Variants in TET2 observed in about 807,000 individuals in gnomAD.
The protein encoded by TET2 is tet methylcytosine dioxygenase 2.
In TET2, 299 loss-of-function variants were observed where a neutral mutation model predicts 142.9. That is an observed-to-expected ratio of 2.09 (90% CI 1.90 to 2.30). The LOEUF (loss-of-function observed/expected upper bound fraction) is 2.30, where lower values mean the gene tolerates loss of function less well. Among genes scored for constraint, TET2 ranks in the 30% most tolerant of loss-of-function variants. The pLI is 0.00. For missense variants in TET2, 2,418 were observed against 2,378.0 expected (o/e 1.02, Z -0.35); for synonymous variants, 819 against 849.0 (o/e 0.96, Z 0.61).
chr4:105,272,969 A>G, intron 10 of TET2, 51 bp downstream of exon 10: 1 of 1,415,716 alleles, frequency 7.1e-7, no homozygotes, highest in African/African-American at 1.4e-5. Flanking sequence ...TGGTATATTA[A>G]AAATGAAAAT....
intron 6 of TET2, among the ~76,000 whole-genome samples, chr4:105,256,721 T>G (rs1272575641): frequency 1.3e-5 from 2 of 152,146 alleles, no homozygotes; most frequent in Non-Finnish European, 2.9e-5. Flanking sequence ...GGGACCTGCA[T>G]TATGTCTATG....
intron 5 of TET2, 134 bp downstream of exon 5, chr4:105,243,061 T>C: frequency 1.4e-6 from 1 of 730,226 alleles, no homozygotes. Flanking sequence ...TTTTTTATCA[T>C]GTGTTATCTC....
rs1490375945 is a variant in TET2 at position 105,275,776 on chromosome 4, C to T, written c.5266C>T (p.His1756Tyr). 1.3e-6 allele frequency: 2 copies of T among 1,551,578 alleles called. No homozygotes were observed. The highest frequency in any genetic ancestry group is 1.7e-6 in the Non-Finnish European group (2 of 1,147,002). Residue 1756 changes from histidine (H) to tyrosine (Y), a missense_variant, in exon 11 of 11, where the codon CAT (histidine) becomes TAT (tyrosine). Coordinates refer to ENST00000380013, the MANE Select transcript of TET2 (RefSeq NM_001127208.3). ...NPNMDYKNGE[H>Y]HSPSHIIHNY... ...AAACATGGACTATAAAAATGGTGAA[C>T]ATCATTCACCTTCTCACATAATCCA...
chr4:105,275,006 A>G, intron 10 of TET2, 42 bp from the exon 11 acceptor site: 1 of 1,464,042 alleles, frequency 6.8e-7, no homozygotes, highest in Non-Finnish European at 9.0e-7. Flanking sequence ...AATCATCAAC[A>G]TCAAAGATAC....
At chr4:105,166,910 A>G (rs1484931571) in intron 1 of TET2, among the ~76,000 whole-genome samples, 1 of 152,066 alleles carries the variant, frequency 6.6e-6, no homozygotes, top group Non-Finnish European at 1.5e-5. Flanking sequence ...TCCTCCAGAT[A>G]TGGCTCTGTT....
At chr4:105,229,406 G>C (rs1381564351) in intron 2 of TET2, among the ~76,000 whole-genome samples, 2 of 152,192 alleles carry the variant, frequency 1.3e-5, no homozygotes, top group African/African-American at 4.8e-5. Flanking sequence ...CGCCTCCTGG[G>C]TTCAAATGAT....
chr4:105,214,359 T>G (rs1727354912), intron 2 of TET2, among the ~76,000 whole-genome samples: 1 of 137,016 alleles, frequency 7.3e-6, no homozygotes, highest in African/African-American at 2.8e-5. Context: ...CAGGCTGGAG[T>G]GCAGTGGTGT....
chr4:105,185,419 A>G (rs1725369798), intron 1 of TET2, among the ~76,000 whole-genome samples: 1 of 152,182 alleles, frequency 6.6e-6, no homozygotes. Flanking sequence ...AATTTTAGCT[A>G]TTTTTATTGT....
In TET2 at chr4:105,234,641, T is replaced by G. The variant is rs1728723224; in HGVS notation, c.699T>G (p.Tyr233Ter). The G allele has an allele frequency of 6.2e-7, 1 of 1,614,026 alleles. No individual in the cohort carries two copies. Among genetic ancestry groups the G allele is most frequent in the Non-Finnish European group, 8.5e-7 (1 of 1,180,024 alleles). ...GELLEKTLSQ[Y>*]YPDCVSIAVQ... ...TCCTGGAAAAAACACTGTCTCAATA[T>G]TATCCAGATTGTGTTTCCATTGCGG... The change falls in exon 3 of 11, where the codon TAT becomes TAG. Residue 233 changes from tyrosine to a stop codon, truncating the protein, a stop_gained. Coordinates refer to ENST00000380013, the MANE Select transcript of TET2 (RefSeq NM_001127208.3). LOFTEE classifies it high-confidence loss of function.
At position 105,234,573 on chromosome 4, in the gene TET2, G is replaced by C. The variant is rs1659218266; in HGVS notation, c.631G>C (p.Ala211Pro). The C allele has an allele frequency of 6.2e-7, 1 of 1,614,132 alleles. No individual in the cohort carries two copies. Among genetic ancestry groups the C allele is most frequent in the Non-Finnish European group, 8.5e-7 (1 of 1,180,018 alleles). ...CAAGGCAGTGCTAATGCCTAATGGT[G>C]CTACAGTTTCTGCCTCTTCCGTGGA... ...KNKAVLMPNG[A>P]TVSASSVEHT... Residue 211 changes from alanine (A) to proline (P), a missense_variant, in exon 3 of 11, where the codon GCT (alanine) becomes CCT (proline). By Grantham distance (27) the Ala-to-Pro change is conservative. Coordinates refer to ENST00000380013, the MANE Select transcript of TET2 (RefSeq NM_001127208.3).
chr4:105,164,145 A>G (rs757918532), intron 1 of TET2, among the ~76,000 whole-genome samples: 5 of 152,158 alleles, frequency 3.3e-5, no homozygotes, highest in African/African-American at 4.8e-5. Context: ...TGTATTAAAT[A>G]TTCATCTGGC....
At chr4:105,232,440 C>G (rs148910289) in intron 2 of TET2, among the ~76,000 whole-genome samples, 1 of 152,324 alleles carries the variant, frequency 6.6e-6, no homozygotes, top group East Asian at 1.9e-4. Flanking sequence ...TACCGCACTG[C>G]TTTCCACAAC....
In TET2 at chr4:105,237,638, A is replaced by G. The variant is rs189481681; in HGVS notation, c.3409+287A>G. 629 of 1,416,178 alleles carry G rather than the reference A, an allele frequency of 4.4e-4. No individual in the cohort carries two copies. Among genetic ancestry groups the G allele is most frequent in the South Asian group, 4.9e-4 (32 of 65,058 alleles). The allele number at this position is 1,416,178 out of a possible 1,614,324, so 87.7% of individuals were successfully genotyped here. A position where few individuals can be genotyped will look rare whatever the true frequency, so the allele number is the denominator to read the frequency against. On this transcript the variant is annotated intron_variant, in intron 3 of 10. Transcript: ENST00000380013. ...ATTTGAATGTATCTGTTTTAGATCAATTCGCCTATTTAGCTCTTTGTATAT... is the reference window on the plus strand; with the variant it reads ...ATTTGAATGTATCTGTTTTAGATCAGTTCGCCTATTTAGCTCTTTGTATAT...
At chr4:105,242,013 T>G in intron 4 of TET2, 1 of 1,241,882 alleles carries the variant, frequency 8.1e-7, no homozygotes, top group Non-Finnish European at 1.0e-6. Flanking sequence ...AAGACTCTTA[T>G]GAGCGAGATA....
At chr4:105,272,412 A>G (rs1167111397) in intron 9 of TET2, among the ~76,000 whole-genome samples, 152 bp from the exon 10 acceptor site, 2 of 152,170 alleles carry the variant, frequency 1.3e-5, no homozygotes, top group East Asian at 3.8e-4. Flanking sequence ...AATAACAGGT[A>G]GGATGGTTTT....
At chr4:105,159,788 G>C (rs1183703787) in intron 1 of TET2, among the ~76,000 whole-genome samples, 1 of 152,088 alleles carries the variant, frequency 6.6e-6, no homozygotes, top group Non-Finnish European at 1.5e-5. Context: ...GGCCAAGGCG[G>C]GTGGCAAGAG....
At chr4:105,160,633 C>T (rs541456538) in intron 1 of TET2, among the ~76,000 whole-genome samples, 1 of 152,284 alleles carries the variant, frequency 6.6e-6, no homozygotes, top group South Asian at 2.1e-4. Context: ...TGTAATTACA[C>T]TACCTTTCTA....
chr4:105,239,674 A>G (rs991727464), intron 3 of TET2: 5 of 235,800 alleles, frequency 2.1e-5, no homozygotes, highest in Admixed American at 5.7e-5. Context: ...CATATCAGCA[A>G]TAAGGCCGTT....
At chr4:105,237,863 CTT>C in intron 3 of TET2, 5 of 1,069,394 alleles carry the variant, frequency 4.7e-6, no homozygotes, top group Non-Finnish European at 3.4e-6. Flanking sequence ...TGCTGACACT[CTT>C]AGTGCTCCTA....
Sources: gnomAD v4.1 joint callset for allele counts (sites outside exome capture counted in the v4.1 genomes callset) on GRCh38, gnomAD v4.1.1 for gene constraint, MANE v1.5 for transcripts, NCBI Gene and HGNC (gene_info 2026-07-23, HGNC 2026-07-21) for gene names.